BIN2: variants seen among roughly 807,000 people sequenced by gnomAD.
BIN2 encodes breast cancer associated protein BRAP1.
A neutral mutation model predicts 67.9 loss-of-function variants in BIN2; 43 were observed. The ratio of observed to expected loss-of-function variants is 0.63; its 90% confidence interval spans 0.50 to 0.82. The LOEUF (loss-of-function observed/expected upper bound fraction) is 0.82. Among genes scored for constraint, BIN2 ranks in the 40% least tolerant of loss-of-function variants. The pLI is 0.00. For missense variants in BIN2, 581 were observed against 671.6 expected (o/e 0.87, Z 1.49); for synonymous variants, 244 against 246.8 (o/e 0.99, Z 0.11).
chr12:51,320,936 A>AC (rs1031506424), intron 1 of BIN2, among the ~76,000 whole-genome samples: 2,845 of 138,778 alleles, frequency 0.021, 169 homozygotes, highest in African/African-American at 0.069. Flanking sequence ...TCATACTAAA[A>AC]ACACACACAC....
At chr12:51,315,230 C>T (rs1252445201) in intron 1 of BIN2, among the ~76,000 whole-genome samples, 1 of 151,604 alleles carries the variant, frequency 6.6e-6, no homozygotes, top group Non-Finnish European at 1.5e-5. Context: ...AGTGCAGTGG[C>T]ACTATCTCGG....
upstream of BIN2, chr12:51,324,501 G>A (rs1426109988): frequency 4.6e-6 from 7 of 1,530,722 alleles, no homozygotes; most frequent in Non-Finnish European, 2.6e-6. Flanking sequence ...TCCACTCAGC[G>A]AGAGGACCTA....
chr12:51,315,251 GCT>G (rs1253384186), intron 1 of BIN2, among the ~76,000 whole-genome samples: 4 of 151,762 alleles, frequency 2.6e-5, no homozygotes, highest in Non-Finnish European at 5.9e-5. Context: ...CTCACTGCAA[GCT>G]CCGCCTCCCG....
chr12:51,301,123 C>T (rs1014031949), intron 5 of BIN2, among the ~76,000 whole-genome samples: 9 of 151,948 alleles, frequency 5.9e-5, no homozygotes, highest in Non-Finnish European at 1.3e-4. Context: ...GAGGCTGAGG[C>T]GGGAGAATCC....
At chr12:51,293,548 G>A (rs1358372553) in intron 9 of BIN2, among the ~76,000 whole-genome samples, 2 of 152,188 alleles carry the variant, frequency 1.3e-5, no homozygotes, top group South Asian at 2.1e-4. Context: ...TCTTGACCCC[G>A]TGATCCACCT....
intron 7 of BIN2, among the ~76,000 whole-genome samples, chr12:51,298,006 G>A (rs1592263459): frequency 6.6e-6 from 1 of 152,138 alleles, no homozygotes; most frequent in East Asian, 1.9e-4. Flanking sequence ...AGCACTTTGG[G>A]AGGCTGGGGC....
At chr12:51,313,684 AC>A in intron 2 of BIN2, 138 bp downstream of exon 2, 2 of 705,256 alleles carry the variant, frequency 2.8e-6, no homozygotes, top group Non-Finnish European at 4.9e-6. Context: ...GCAACAGGTC[AC>A]CCTGTAGCCC....
In BIN2 at chr12:51,291,798, G is replaced by A. The variant is rs755705883; in HGVS notation, c.1308C>T (p.Ser436=). 1.5e-4 allele frequency: 247 copies of A among 1,613,804 alleles called. No individual in the cohort carries two copies. The highest frequency in any genetic ancestry group is 2.0e-4 in the Non-Finnish European group (234 of 1,179,930). ...PRPSSGNIPS[S]PTASGGGSPT... ...GTGAACCCCCTCCAGAGGCTGTAGGGCTGGAAGGTATGTTCCCTGAGGAGG... is the reference window on the plus strand; with the variant it reads ...GTGAACCCCCTCCAGAGGCTGTAGGACTGGAAGGTATGTTCCCTGAGGAGG... The change falls in exon 10 of 13, where the codon AGC becomes AGT. Residue 436 remains serine, a synonymous_variant. Coordinates refer to ENST00000615107, the MANE Select transcript of BIN2 (RefSeq NM_016293.4).
intron 1 of BIN2, among the ~76,000 whole-genome samples, chr12:51,315,745 C>A (rs1565689497): frequency 6.6e-6 from 1 of 152,162 alleles, no homozygotes; most frequent in Non-Finnish European, 1.5e-5. Flanking sequence ...CTCAGCTAGA[C>A]CTGAATGCTA....
intron 11 of BIN2, among the ~76,000 whole-genome samples, chr12:51,286,915 C>T (rs1945250026): frequency 1.3e-5 from 2 of 150,556 alleles, no homozygotes; most frequent in Admixed American, 1.3e-4. Context: ...CCTTGACCTC[C>T]CTGGGCTCAG....
At chr12:51,319,274 TG>T (rs1283981373) in intron 1 of BIN2, among the ~76,000 whole-genome samples, 2 of 152,064 alleles carry the variant, frequency 1.3e-5, no homozygotes, top group African/African-American at 2.4e-5. Flanking sequence ...GGTCGGGGGT[TG>T]GGGGGTACTG....
chr12:51,290,147 T>G (rs1003859496), intron 10 of BIN2, among the ~76,000 whole-genome samples: 3 of 151,916 alleles, frequency 2.0e-5, no homozygotes, highest in African/African-American at 7.3e-5. Context: ...TGAGACACAG[T>G]CTCACTCTGT....
At chr12:51,316,794 G>A (rs1056325769) in intron 1 of BIN2, among the ~76,000 whole-genome samples, 1 of 152,028 alleles carries the variant, frequency 6.6e-6, no homozygotes, top group Non-Finnish European at 1.5e-5. Flanking sequence ...CCCATTGATC[G>A]ATTATTCACT....
intron 11 of BIN2, among the ~76,000 whole-genome samples, chr12:51,287,454 T>A (rs1035507994): frequency 1.3e-5 from 2 of 151,520 alleles, no homozygotes; most frequent in African/African-American, 4.8e-5. Context: ...TGCCTCAGCC[T>A]CCTCAGTAGC....
At chr12:51,289,514 C>T (rs1238113325) in intron 10 of BIN2, among the ~76,000 whole-genome samples, 2 of 151,890 alleles carry the variant, frequency 1.3e-5, no homozygotes, top group Admixed American at 6.6e-5. Context: ...ACGTGGGAGG[C>T]TAAGGAGGGA....
chr12:51,287,418 C>T (rs568799866), intron 11 of BIN2, among the ~76,000 whole-genome samples: 8 of 152,050 alleles, frequency 5.3e-5, no homozygotes, highest in African/African-American at 1.2e-4. Context: ...CTGCAACCTC[C>T]GCCTTCTGGG....
chr12:51,299,527 T>C, intron 6 of BIN2, 80 bp downstream of exon 6: 1 of 1,339,070 alleles, frequency 7.5e-7, no homozygotes, highest in Non-Finnish European at 1.1e-6. Context: ...ATACCCATGT[T>C]GGCCCAGCCA....
intron 1 of BIN2, among the ~76,000 whole-genome samples, chr12:51,323,621 T>G (rs2137461893): frequency 6.6e-6 from 1 of 152,340 alleles, no homozygotes; most frequent in South Asian, 2.1e-4. Context: ...AATTGCCCTC[T>G]ATGGAAAATT....
intron 12 of BIN2, among the ~76,000 whole-genome samples, chr12:51,281,934 T>A (rs1181388204): frequency 2.0e-5 from 3 of 151,770 alleles, no homozygotes; most frequent in East Asian, 3.9e-4. Flanking sequence ...AAAAAAAAAA[T>A]TTGTTGCCTA....
Sources: allele counts gnomAD v4.1 joint callset (sites outside exome capture counted in the v4.1 genomes callset), GRCh38; gene constraint gnomAD v4.1.1; transcripts MANE v1.5; gene names NCBI Gene and HGNC (gene_info 2026-07-23, HGNC 2026-07-21).